The following ZNF394 variants were observed in gnomAD, a reference collection of about 807,000 sequenced individuals.
The protein encoded by ZNF394 is zinc finger protein 394, also known as zinc finger protein 99.
Under a neutral mutation model 21.8 loss-of-function variants are expected in ZNF394, and 19 were observed. The ratio of observed to expected loss-of-function variants is 0.87; its 90% CI spans 0.61 to 1.28. ZNF394 has a LOEUF of 1.28. Ranked by LOEUF, ZNF394 falls within the 50% of genes most tolerant of loss-of-function variation. The pLI is 0.00. For missense variants in ZNF394, 683 were observed against 708.6 expected (o/e 0.96, Z 0.41); for synonymous variants, 294 against 273.3 (o/e 1.08, Z -0.75).
At chr7:99,497,205 G>GGCTGGAGT (rs1800362806) in intron 2 of ZNF394, among the ~76,000 whole-genome samples, 1 of 146,730 alleles carries the variant, frequency 6.8e-6, no homozygotes, top group Non-Finnish European at 1.5e-5. Context: ...CTGTCACCCA[G>GGCTGGAGT]GCTGGAGTGC....
chr7:99,495,595 G>A (rs1242096139), intron 2 of ZNF394, among the ~76,000 whole-genome samples: 3 of 151,208 alleles, frequency 2.0e-5, no homozygotes, highest in Non-Finnish European at 2.9e-5. Flanking sequence ...AAAGTGTTGC[G>A]ATTACAGGCG....
downstream of ZNF394, among the ~76,000 whole-genome samples, chr7:99,491,560 G>A (rs1252468880): frequency 2.0e-5 from 3 of 151,902 alleles, no homozygotes; most frequent in South Asian, 2.1e-4. Flanking sequence ...GGCGGACCAC[G>A]AGGTCAGGAG....
At chr7:99,495,478 A>G (rs966297122) in intron 2 of ZNF394, among the ~76,000 whole-genome samples, 12 of 147,302 alleles carry the variant, frequency 8.1e-5, no homozygotes, top group African/African-American at 3.0e-4. Flanking sequence ...ACCCACCACC[A>G]CACCCGGCTA....
chr7:99,498,951 C>T (rs1584148728), intron 1 of ZNF394, 109 bp from the exon 2 acceptor site: 1 of 1,394,996 alleles, frequency 7.2e-7, no homozygotes, highest in South Asian at 1.6e-5. Flanking sequence ...GAGATAGAGG[C>T]TGACATTCTC....
intron 1 of ZNF394, chr7:99,487,194 T>C (rs1338832801): frequency 1.9e-6 from 3 of 1,614,164 alleles, no homozygotes; most frequent in Non-Finnish European, 2.5e-6. Flanking sequence ...ATTCAACCCT[T>C]CTATGTCATC....
At chr7:99,491,189 T>TG, downstream of ZNF394, among the ~76,000 whole-genome samples, 1 of 152,298 alleles carries the variant, frequency 6.6e-6, no homozygotes, top group South Asian at 2.1e-4. Context: ...CAACCACACT[T>TG]GCTTTACTGG....
chr7:99,492,218 C>G (rs1225178502), downstream of ZNF394, among the ~76,000 whole-genome samples: 1 of 152,024 alleles, frequency 6.6e-6, no homozygotes, highest in Non-Finnish European at 1.5e-5. Context: ...CTGAGCTTTA[C>G]CAGATCTTTT....
chr7:99,496,711 G>A (rs534064306), intron 2 of ZNF394, among the ~76,000 whole-genome samples: 11 of 151,998 alleles, frequency 7.2e-5, no homozygotes, highest in Admixed American at 2.0e-4. Flanking sequence ...TATCACGCCC[G>A]GCCAAAATGT....
chr7:99,494,945 G>C (rs1274228072), intron 2 of ZNF394, among the ~76,000 whole-genome samples: 1 of 151,972 alleles, frequency 6.6e-6, no homozygotes, highest in African/African-American at 2.4e-5. Flanking sequence ...ATGTTGGCCA[G>C]GATGGTCTCT....
chr7:99,489,941 G>A (rs1306996868), downstream of ZNF394, among the ~76,000 whole-genome samples: 1 of 151,798 alleles, frequency 6.6e-6, no homozygotes, highest in Non-Finnish European at 1.5e-5. Flanking sequence ...GGAGGTGGAG[G>A]TTGCAGGGAG....
chr7:99,493,405 C>A lies in ZNF394; in HGVS notation c.*124G>T. 9.8e-7 allele frequency: 1 copy of A among 1,023,682 alleles called. No individual in the cohort carries two copies. The highest frequency in any genetic ancestry group is 1.4e-6 in the Non-Finnish European group (1 of 722,858). 63.4% of individuals were successfully genotyped at this position (1,023,682 alleles called of 1,614,324 possible). ...CCGAATAGCTGGGCTTACAGGCATG[C>A]ACCACCATGCCCGGCTCATTTTTGT... On this transcript the variant is annotated 3_prime_UTR_variant, in exon 3 of 3. Coordinates refer to ENST00000337673, the MANE Select transcript of ZNF394 (RefSeq NM_032164.4).
At chr7:99,487,908 T>C (rs1215544219) in intron 1 of ZNF394, among the ~76,000 whole-genome samples, 2 of 151,598 alleles carry the variant, frequency 1.3e-5, no homozygotes, top group Non-Finnish European at 2.9e-5. Flanking sequence ...CCGTTTCCAC[T>C]AAAAAATCAA....
downstream of ZNF394, among the ~76,000 whole-genome samples, chr7:99,491,125 A>G (rs773881847): frequency 1.3e-5 from 2 of 152,004 alleles, no homozygotes; most frequent in Non-Finnish European, 2.9e-5. Flanking sequence ...GGGAGCCCCT[A>G]GTGGAGCTGA....
At position 99,493,697 on chromosome 7, in the gene ZNF394, G is replaced by A; in HGVS notation, c.1518C>T (p.Phe506=). 3.1e-6 allele frequency: 5 copies of A among 1,614,204 alleles called. No homozygotes were observed. The highest frequency in any genetic ancestry group is 1.1e-5 in the South Asian group (1 of 91,082). The change falls in exon 3 of 3, where the codon TTC becomes TTT. Residue 506 remains phenylalanine (F), a synonymous_variant. Coordinates refer to ENST00000337673, the MANE Select transcript of ZNF394 (RefSeq NM_032164.4). ...GTTTAATGAGGGTTGCACTCTGATT[G>A]AAGCGTTTCCCACAGACGGAACATC... ...PYGCSVCGKR[F]NQSATLIKHQ... is the part of the protein sequence containing the mutation.
chr7:99,490,510 A>C (rs1329269258), downstream of ZNF394, among the ~76,000 whole-genome samples: 3 of 151,730 alleles, frequency 2.0e-5, no homozygotes, highest in Admixed American at 6.6e-5. Context: ...GTATGCCTGT[A>C]GTCCCAGCTG....
chr7:99,495,642 T>C (rs1203787020), intron 2 of ZNF394, among the ~76,000 whole-genome samples: 1 of 148,546 alleles, frequency 6.7e-6, no homozygotes, highest in Admixed American at 6.7e-5. Context: ...TTTTTTGAGA[T>C]GGAGTTTCGC....
downstream of ZNF394, among the ~76,000 whole-genome samples, chr7:99,489,551 A>G (rs1318869369): frequency 1.3e-5 from 2 of 152,138 alleles, no homozygotes; most frequent in Non-Finnish European, 2.9e-5. Context: ...CATGAATTGC[A>G]CACAGGCACT....
chr7:99,489,417 G>T (rs897520177), downstream of ZNF394, among the ~76,000 whole-genome samples: 1 of 152,170 alleles, frequency 6.6e-6, no homozygotes, highest in African/African-American at 2.4e-5. Context: ...GGCCTGTGGG[G>T]TAATAACACA....
At chr7:99,496,166 G>A (rs956311436) in intron 2 of ZNF394, among the ~76,000 whole-genome samples, 3 of 151,508 alleles carry the variant, frequency 2.0e-5, no homozygotes, top group Non-Finnish European at 4.4e-5. Context: ...TATTTTAGTA[G>A]GTATTATAGT....
Sources: gnomAD v4.1 joint callset for allele counts (sites outside exome capture counted in the v4.1 genomes callset) on GRCh38, gnomAD v4.1.1 for gene constraint, MANE v1.5 for transcripts, NCBI Gene and HGNC (gene_info 2026-07-23, HGNC 2026-07-21) for gene names.